Variants in PTPN11 observed in about 807,000 individuals in gnomAD.
PTPN11 encodes tyrosine-protein phosphatase non-receptor type 11.
Under a neutral mutation model 78.8 loss-of-function variants are expected in PTPN11, and 6 were observed. The ratio of observed to expected loss-of-function variants is 0.08; its 90% CI spans 0.04 to 0.15. PTPN11 has a LOEUF of 0.15. Among genes scored for constraint, PTPN11 ranks in the 10% least tolerant of loss-of-function variants. PTPN11 has a pLI of 1.00. For synonymous variants in PTPN11, 221 were observed against 263.5 expected, an observed-to-expected ratio of 0.84 and a Z score of 1.56; for missense variants, 386 against 744.8, an observed-to-expected ratio of 0.52 and a Z score of 5.61.
intron 13 of PTPN11, 59 bp from the exon 14 acceptor site, chr12:112,502,085 G>C (rs1364003102): frequency 7.6e-7 from 1 of 1,322,768 alleles, no homozygotes; most frequent in African/African-American, 1.5e-5. Context: ...TACCTTTTTT[G>C]CTTTTTATCC....
intron 1 of PTPN11, among the ~76,000 whole-genome samples, chr12:112,438,797 A>C (rs548428822): frequency 4.2e-4 from 64 of 151,882 alleles, no homozygotes; most frequent in African/African-American, 1.4e-3. Flanking sequence ...GCTAATTTTT[A>C]ATTTTTTTGT....
At chr12:112,435,929 A>C (rs948004461) in intron 1 of PTPN11, among the ~76,000 whole-genome samples, 4 of 152,166 alleles carry the variant, frequency 2.6e-5, no homozygotes, top group Admixed American at 2.6e-4. Flanking sequence ...TCACACCTGT[A>C]ATCCCAGCAC....
intron 9 of PTPN11, among the ~76,000 whole-genome samples, 163 bp from the exon 10 acceptor site, chr12:112,481,911 A>G (rs1430377658): frequency 6.6e-6 from 1 of 152,156 alleles, no homozygotes; most frequent in African/African-American, 2.4e-5. Context: ...TGCTTTTCTT[A>G]TTTGAACTCT....
At chr12:112,439,754 G>A (rs1031413344) in intron 1 of PTPN11, among the ~76,000 whole-genome samples, 17 of 148,486 alleles carry the variant, frequency 1.1e-4, no homozygotes, top group Middle Eastern at 3.5e-3. Flanking sequence ...ACAGGTGTGA[G>A]CCACCATGCA....
At chr12:112,433,104 G>A (rs1053273591) in intron 1 of PTPN11, among the ~76,000 whole-genome samples, 6 of 152,116 alleles carry the variant, frequency 3.9e-5, no homozygotes, top group South Asian at 2.1e-4. Context: ...CAAGTGATCC[G>A]CCTGCCTCAG....
chr12:112,445,639 CT>C lies in PTPN11; in HGVS notation c.15-620del, dbSNP rs531888743. On this transcript the variant is annotated intron_variant, in intron 1 of 15. Transcript: ENST00000351677. ...TAACTTATTTATTAAGAAACTTATT[CT>C]TTTTTTTTTTTTTTTTCTGAGATTG... Among the ~76,000 whole-genome samples the C allele has an allele frequency of 7.3e-3, 1,019 of 138,918 alleles. 4 individuals carry two copies. Among genetic ancestry groups the C allele is most frequent in the Middle Eastern group, 0.016 (4 of 246 alleles). 91.1% of individuals were successfully genotyped at this position (138,918 alleles called of 152,430 possible).
chr12:112,491,272 GAAA>G (rs59219665), intron 13 of PTPN11, among the ~76,000 whole-genome samples: 1 of 118,730 alleles, frequency 8.4e-6, no homozygotes, highest in African/African-American at 3.2e-5. Context: ...CTACAGTAGT[GAAA>G]AAAAAAAAAA....
rs2038154558 is a variant in PTPN11, at chr12:112,455,998, C to T, written c.691C>T (p.Arg231Ter). 1 of 1,612,534 alleles carries T rather than the reference C, an allele frequency of 6.2e-7. No individual in the cohort carries two copies. The highest frequency in any genetic ancestry group is 8.5e-7 in the Non-Finnish European group (1 of 1,179,302). Reference protein sequence around the residue: ...INAAEIESRVRELSKLAETTD... With the variant: ...INAAEIESRV ...TGCTGCTGAAATAGAAAGCAGAGTTCGAGAACTAAGCAAATTAGCTGAGAC... is the reference window on the plus strand; with the variant it reads ...TGCTGCTGAAATAGAAAGCAGAGTTTGAGAACTAAGCAAATTAGCTGAGAC... The change falls in exon 6 of 16, where the codon CGA (arginine) becomes TGA (stop). Residue 231 changes from arginine (R) to a stop codon, truncating the protein, a stop_gained. Coordinates refer to ENST00000351677, the MANE Select transcript of PTPN11 (RefSeq NM_002834.5). LOFTEE classifies it high-confidence loss of function.
At chr12:112,483,068 A>G (rs1323581566) in intron 10 of PTPN11, among the ~76,000 whole-genome samples, 1 of 152,150 alleles carries the variant, frequency 6.6e-6, no homozygotes, top group Non-Finnish European at 1.5e-5. Context: ...AGTGTACACT[A>G]TACTGGCCAG....
intron 6 of PTPN11, among the ~76,000 whole-genome samples, chr12:112,461,838 C>T (rs1223181826): frequency 6.6e-6 from 1 of 151,940 alleles, no homozygotes; most frequent in Non-Finnish European, 1.5e-5. Context: ...CCAAATCAAA[C>T]TCAGGGTTTC....
At chr12:112,474,169 T>C (rs1365217818) in intron 7 of PTPN11, among the ~76,000 whole-genome samples, 1 of 151,964 alleles carries the variant, frequency 6.6e-6, no homozygotes, top group African/African-American at 2.4e-5. Flanking sequence ...GCCAACATGG[T>C]GAAACCCCAT....
In PTPN11 at chr12:112,506,607, G is replaced by A. The variant is rs1390065094; in HGVS notation, c.*815G>A. The A allele has an allele frequency of 6.6e-6, 1 of 152,172 alleles. No individual in the cohort carries two copies. The highest frequency in any genetic ancestry group is 1.5e-5 in the Non-Finnish European group (1 of 68,040). The allele number at this position is 152,172 out of a possible 1,614,324, so 9.4% of individuals were successfully genotyped here. ...GTGTTTTTGGTCGCCAAATGTTGCT[G>A]ACAAACTTATCCCAAAACTTTAGTG... On this transcript the variant is annotated 3_prime_UTR_variant, in exon 16 of 16. Coordinates refer to ENST00000351677, the MANE Select transcript of PTPN11 (RefSeq NM_002834.5).
chr12:112,477,172 A>G (rs553125890), intron 7 of PTPN11, among the ~76,000 whole-genome samples: 1 of 152,062 alleles, frequency 6.6e-6, no homozygotes, highest in African/African-American at 2.4e-5. Context: ...GTGGACCAAC[A>G]TGCCTGGCTA....
chr12:112,420,192 G>T (rs2037499848), intron 1 of PTPN11, among the ~76,000 whole-genome samples: 1 of 152,110 alleles, frequency 6.6e-6, no homozygotes, highest in Non-Finnish European at 1.5e-5. Context: ...TTCAGATAGT[G>T]ATCCTGCTAT....
rs397507546 is a variant in PTPN11 at position 112,489,084 on chromosome 12, G to A, written c.1508G>A (p.Gly503Glu). The A allele has an allele frequency of 1.2e-6, 2 of 1,614,032 alleles. No homozygotes were observed. The highest frequency in any genetic ancestry group is 1.3e-5 in the African/African-American group (1 of 74,928). Residue 503 changes from glycine to glutamate, a missense_variant, in exon 13 of 16, where the codon GGG (glycine) becomes GAG (glutamate). Transcript: ENST00000351677. ...CAGATGGTGCGGTCTCAGAGGTCAG[G>A]GATGGTCCAGACAGAAGCACAGTAC... ...TIQMVRSQRS[G>E]MVQTEAQYRF... is the part of the protein sequence containing the mutation.
chr12:112,502,375 C>A, intron 14 of PTPN11, 119 bp downstream of exon 14: 1 of 814,642 alleles, frequency 1.2e-6, no homozygotes, highest in Non-Finnish European at 2.2e-6. Context: ...GTGCACGTTC[C>A]TGTTGCCCTA....
chr12:112,425,096 C>T (rs1281075064), intron 1 of PTPN11, among the ~76,000 whole-genome samples: 1 of 151,528 alleles, frequency 6.6e-6, no homozygotes, highest in Admixed American at 6.6e-5. Context: ...TCAGGTGATC[C>T]ACCCGCCTCG....
At chr12:112,486,143 T>C (rs937042608) in intron 10 of PTPN11, among the ~76,000 whole-genome samples, 46 of 152,184 alleles carry the variant, frequency 3.0e-4, no homozygotes, top group African/African-American at 1.0e-3. Flanking sequence ...CCCTAGAGGT[T>C]TCAGTTGCCT....
chr12:112,460,724 C>T (rs2038234172), intron 6 of PTPN11, among the ~76,000 whole-genome samples: 1 of 152,066 alleles, frequency 6.6e-6, no homozygotes, highest in Non-Finnish European at 1.5e-5. Context: ...TGCCTGTAGT[C>T]CCAGCTACTC....
Sources: gnomAD v4.1 joint callset for allele counts (sites outside exome capture counted in the v4.1 genomes callset) on GRCh38, gnomAD v4.1.1 for gene constraint, MANE v1.5 for transcripts, NCBI Gene and HGNC (gene_info 2026-07-23, HGNC 2026-07-21) for gene names.